Variants in NPAS3 observed in about 807,000 individuals in gnomAD.
The protein encoded by NPAS3 is neuronal PAS domain-containing protein 3.
Under a neutral mutation model 73.1 loss-of-function variants are expected in NPAS3, and 14 were observed. The observed-to-expected ratio is 0.19, with a 90% CI of 0.13 to 0.30. The LOEUF (loss-of-function observed/expected upper bound fraction) is 0.30. Among genes scored for constraint, NPAS3 ranks in the 10% least tolerant of loss-of-function variants. The pLI is 1.00. For missense variants in NPAS3, 1,096 were observed against 1,250.0 expected (o/e 0.88, Z 1.86); for synonymous variants, 620 against 541.5 (o/e 1.14, Z -2.01).
chr14:33,575,841 T>C (rs951928380), intron 5 of NPAS3, among the ~76,000 whole-genome samples: 7 of 152,174 alleles, frequency 4.6e-5, no homozygotes, highest in Non-Finnish European at 1.0e-4. Flanking sequence ...CATGTACATT[T>C]AAGACCTTAA....
chr14:33,636,920 C>A (rs560847752), intron 5 of NPAS3, among the ~76,000 whole-genome samples: 99 of 152,226 alleles, frequency 6.5e-4, no homozygotes, highest in Non-Finnish European at 9.6e-4. Flanking sequence ...CACACACACA[C>A]ACACACAGAG....
At chr14:33,319,450 A>T (rs2140230482) in intron 3 of NPAS3, among the ~76,000 whole-genome samples, 1 of 152,268 alleles carries the variant, frequency 6.6e-6, no homozygotes, top group African/African-American at 2.4e-5. Flanking sequence ...TAAATTGTAT[A>T]ATGGCGAGTA....
chr14:32,960,390 A>C (rs2036860152), intron 1 of NPAS3, among the ~76,000 whole-genome samples: 1 of 152,220 alleles, frequency 6.6e-6, no homozygotes, highest in South Asian at 2.1e-4. Context: ...AGATTTTAAT[A>C]TAAAAAGAGT....
chr14:32,967,924 TG>T (rs2037253001), intron 1 of NPAS3, among the ~76,000 whole-genome samples: 1 of 55,560 alleles, frequency 1.8e-5, no homozygotes, highest in Admixed American at 2.1e-4. Context: ...TGTGTGTGTG[TG>T]TCATTTGTGA....
chr14:32,945,967 A>C (rs111950393), intron 1 of NPAS3, among the ~76,000 whole-genome samples: 356 of 152,240 alleles, frequency 2.3e-3, no homozygotes, highest in African/African-American at 7.0e-3. Flanking sequence ...CATATAATTC[A>C]TGGCTCAGAG....
chr14:33,460,256 A>C lies in NPAS3; in HGVS notation c.468+92988A>C, dbSNP rs369214583. Among the ~76,000 whole-genome samples, 16 of 152,314 alleles carry C rather than the reference A, an allele frequency of 1.1e-4. 1 individual carries two copies. Among genetic ancestry groups the C allele is most frequent in the African/African-American group, 3.8e-4 (16 of 41,576 alleles). ...CCTTCTTACTATTATGTTGGAGTACAACCTGGAGATCTCTGGATTTTAACC... is the reference window on the plus strand; with the variant it reads ...CCTTCTTACTATTATGTTGGAGTACCACCTGGAGATCTCTGGATTTTAACC... On this transcript the variant is annotated intron_variant, in intron 4 of 11. Coordinates refer to ENST00000356141, the Ensembl canonical transcript of NPAS3.
At chr14:32,943,874 A>T (rs1479598265) in intron 1 of NPAS3, among the ~76,000 whole-genome samples, 2 of 151,812 alleles carry the variant, frequency 1.3e-5, no homozygotes, top group Non-Finnish European at 2.9e-5. Context: ...TTTTTAGTAG[A>T]GATAGGGGTT....
chr14:33,181,626 G>A (rs2045803444), intron 2 of NPAS3, among the ~76,000 whole-genome samples: 1 of 152,162 alleles, frequency 6.6e-6, no homozygotes, highest in Non-Finnish European at 1.5e-5. Flanking sequence ...ATGCTTTTAT[G>A]TTACCTAATT....
intron 2 of NPAS3, among the ~76,000 whole-genome samples, chr14:33,138,446 T>C (rs2043922073): frequency 6.6e-6 from 1 of 152,174 alleles, no homozygotes; most frequent in African/African-American, 2.4e-5. Context: ...AGGATTGGTT[T>C]AATTCTTCTT....
rs530526143 is a variant in NPAS3 at position 33,076,109 on chromosome 14, C to A, written c.140+20115C>A. Among the ~76,000 whole-genome samples the A allele has an allele frequency of 3.3e-5, 5 of 152,206 alleles. No homozygotes were observed. The South Asian group carries it at 8.3e-4, about 25-fold the overall frequency. The stretch of plus-strand genomic sequence containing the variant: ...TTTCTATCTTGACCTTTCCCTCAGC[C>A]CTCTCACAAAACCTGAAAACACGGG... On this transcript the variant is annotated intron_variant, in intron 2 of 11. Transcript: ENST00000356141.
chr14:33,512,255 A>G (rs557794257), intron 4 of NPAS3, among the ~76,000 whole-genome samples: 3 of 152,046 alleles, frequency 2.0e-5, no homozygotes, highest in East Asian at 3.9e-4. Context: ...ACTTCTCCAC[A>G]TCAAATTTGT....
At chr14:33,180,037 G>A (rs944771764) in intron 2 of NPAS3, among the ~76,000 whole-genome samples, 82 of 152,262 alleles carry the variant, frequency 5.4e-4, no homozygotes, top group African/African-American at 1.8e-3. Flanking sequence ...ATATTTGAAT[G>A]TAATTTTTAA....
At chr14:33,640,531 A>T (rs1311090673) in intron 5 of NPAS3, among the ~76,000 whole-genome samples, 4 of 152,242 alleles carry the variant, frequency 2.6e-5, no homozygotes, top group African/African-American at 9.6e-5. Context: ...AGAAGAAAAA[A>T]AACTTATAAA....
intron 3 of NPAS3, among the ~76,000 whole-genome samples, chr14:33,352,460 C>T (rs775533610): frequency 6.6e-6 from 1 of 152,160 alleles, no homozygotes; most frequent in Non-Finnish European, 1.5e-5. Context: ...AGAAAACTGT[C>T]GCACATTTAA....
chr14:33,161,108 C>A (rs954596910), intron 2 of NPAS3, among the ~76,000 whole-genome samples: 1 of 152,102 alleles, frequency 6.6e-6, no homozygotes, highest in African/African-American at 2.4e-5. Context: ...TTTAGCTTTT[C>A]CTTAGAAAGC....
At chr14:32,943,532 C>G (rs1347831342) in intron 1 of NPAS3, among the ~76,000 whole-genome samples, 1 of 152,100 alleles carries the variant, frequency 6.6e-6, no homozygotes, top group East Asian at 1.9e-4. Context: ...ACAATTGTGT[C>G]TGTTTGAAGT....
intron 3 of NPAS3, among the ~76,000 whole-genome samples, chr14:33,278,628 T>C (rs2041448790): frequency 6.6e-6 from 1 of 152,210 alleles, no homozygotes; most frequent in South Asian, 2.1e-4. Flanking sequence ...CTTCTGGCTC[T>C]TCTTAATTTT....
chr14:33,759,147 TATA>T (rs1296299116), intron 7 of NPAS3, among the ~76,000 whole-genome samples: 1 of 152,222 alleles, frequency 6.6e-6, no homozygotes, highest in Non-Finnish European at 1.5e-5. Flanking sequence ...GATTCTTTAT[TATA>T]ATTTCTTATA....
intron 2 of NPAS3, among the ~76,000 whole-genome samples, chr14:33,103,622 T>C (rs1474139954): frequency 6.6e-6 from 1 of 152,174 alleles, no homozygotes; most frequent in Non-Finnish European, 1.5e-5. Flanking sequence ...GCTTTAGACT[T>C]TCAACTTTTA....
Sources: allele counts gnomAD v4.1 joint callset (sites outside exome capture counted in the v4.1 genomes callset), GRCh38; gene constraint gnomAD v4.1.1; transcripts MANE v1.5; gene names NCBI Gene and HGNC (gene_info 2026-07-23, HGNC 2026-07-21).